Variants in OXR1 observed in about 807,000 individuals in gnomAD.
OXR1 encodes oxidation resistance protein 1.
Under a neutral mutation model 104.6 loss-of-function variants are expected in OXR1, and 41 were observed. The observed-to-expected ratio is 0.39, with a 90% CI of 0.31 to 0.51. The LOEUF (loss-of-function observed/expected upper bound fraction) is 0.51, where lower values mean the gene tolerates loss of function less well. Among genes scored for constraint, OXR1 ranks in the 20% least tolerant of loss-of-function variants. The pLI, the probability that OXR1 is intolerant of heterozygous loss-of-function variation, is 0.77. For missense variants in OXR1, 955 were observed against 1,031.9 expected (o/e 0.93, Z 1.02); for synonymous variants, 348 against 348.4 (o/e 1.00, Z 0.01).
At chr8:106,640,344 A>G (rs955049542) in intron 3 of OXR1, among the ~76,000 whole-genome samples, 1 of 151,200 alleles carries the variant, frequency 6.6e-6, no homozygotes, top group African/African-American at 2.4e-5. Context: ...GCATATTTGT[A>G]TATAGATGTA....
At chr8:106,666,640 G>A (rs920842668) in intron 3 of OXR1, among the ~76,000 whole-genome samples, 2 of 152,128 alleles carry the variant, frequency 1.3e-5, no homozygotes, top group East Asian at 3.9e-4. Flanking sequence ...ATGGACAATT[G>A]CTAAGAGGTA....
chr8:106,332,245 G>A (rs1814748179), intron 1 of OXR1, among the ~76,000 whole-genome samples: 2 of 152,096 alleles, frequency 1.3e-5, no homozygotes, highest in Non-Finnish European at 2.9e-5. Context: ...TACATAAGAA[G>A]CTGTGTTTTA....
chr8:106,387,030 A>G lies in OXR1; in HGVS notation c.23+27394A>G, dbSNP rs73305167. Among the ~76,000 whole-genome samples, 714 of 152,304 alleles carry G rather than the reference A, an allele frequency of 4.7e-3. 8 individuals carry two copies. Among genetic ancestry groups the G allele is most frequent in the African/African-American group, 0.017 (695 of 41,566 alleles). On this transcript the variant is annotated intron_variant, in intron 2 of 16. Coordinates refer to ENST00000517566, the MANE Select transcript of OXR1 (RefSeq NM_001198533.2). Reference sequence around the variant, plus strand: ...GGCAAATAAACACCTGAAATAAAAAACTGGAAACAGAAAGGACAAGAGTTA... The same window carrying G: ...GGCAAATAAACACCTGAAATAAAAAGCTGGAAACAGAAAGGACAAGAGTTA...
chr8:106,273,188 A>C (rs1228514239), intron 1 of OXR1, among the ~76,000 whole-genome samples: 1 of 152,070 alleles, frequency 6.6e-6, no homozygotes, highest in Non-Finnish European at 1.5e-5. Context: ...AATCCTGGGA[A>C]GCTTTAGAAA....
At chr8:106,568,505 A>G (rs1237680552) in intron 3 of OXR1, among the ~76,000 whole-genome samples, 4 of 152,114 alleles carry the variant, frequency 2.6e-5, no homozygotes. Flanking sequence ...AGCAGATAAA[A>G]CATAAAAGAC....
At chr8:106,601,809 A>G (rs1819990742) in intron 3 of OXR1, among the ~76,000 whole-genome samples, 1 of 152,220 alleles carries the variant, frequency 6.6e-6, no homozygotes, top group East Asian at 1.9e-4. Flanking sequence ...TAGAAATGTA[A>G]TTAAAGTGTT....
intron 3 of OXR1, among the ~76,000 whole-genome samples, chr8:106,646,622 T>C (rs1238575987): frequency 6.6e-6 from 1 of 151,666 alleles, no homozygotes; most frequent in African/African-American, 2.4e-5. Flanking sequence ...CATTATAGAA[T>C]TAAGAGAGGA....
At chr8:106,393,326 A>G (rs1443838926) in intron 2 of OXR1, among the ~76,000 whole-genome samples, 1 of 152,208 alleles carries the variant, frequency 6.6e-6, no homozygotes, top group Non-Finnish European at 1.5e-5. Flanking sequence ...GTTATTCATT[A>G]GTTTACTACA....
rs1812529002 is a variant in OXR1, at chr8:106,287,032, G to A, written c.-139+16665G>A. Among the ~76,000 whole-genome samples, 6 of 152,138 alleles carry A rather than the reference G, an allele frequency of 3.9e-5. No homozygotes were observed. The South Asian group carries it at 1.2e-3, about 32-fold the overall frequency. ...CAGCTTCATTCCATTTGGTATCGTA[G>A]GTATCAGTTTCTTACAGACATTTCC... is the stretch of plus-strand genomic sequence containing the variant. On this transcript the variant is annotated intron_variant, in intron 1 of 16. Transcript: ENST00000517566.
chr8:106,449,604 A>G (rs1820202628), intron 2 of OXR1, among the ~76,000 whole-genome samples: 1 of 152,242 alleles, frequency 6.6e-6, no homozygotes, highest in African/African-American at 2.4e-5. Flanking sequence ...CCACGCAGCT[A>G]GTAAATGATG....
In OXR1 at chr8:106,338,313, T is replaced by C. The variant is rs1368121346; in HGVS notation, c.-138-21163T>C. On this transcript the variant is annotated intron_variant, in intron 1 of 16. Coordinates refer to ENST00000517566, the MANE Select transcript of OXR1 (RefSeq NM_001198533.2). Reference sequence around the variant, plus strand: ...ATCTAGGGCTGGGCGTGGTGGCTTATACCTGTAATCCCAGCACTTTGGGAG... The same window carrying C: ...ATCTAGGGCTGGGCGTGGTGGCTTACACCTGTAATCCCAGCACTTTGGGAG... Among the ~76,000 whole-genome samples the C allele has an allele frequency of 2.2e-4, 34 of 152,136 alleles. 1 individual carries two copies. The highest frequency in any genetic ancestry group is 7.0e-4 in the African/African-American group (29 of 41,490).
chr8:106,541,207 T>C (rs1388267140), intron 3 of OXR1, among the ~76,000 whole-genome samples: 1 of 152,180 alleles, frequency 6.6e-6, no homozygotes, highest in Non-Finnish European at 1.5e-5. Flanking sequence ...CAAGTAACAG[T>C]TTATAAAAGT....
chr8:106,609,847 C>CAA (rs1820681998), intron 3 of OXR1, among the ~76,000 whole-genome samples: 1 of 2,032 alleles, frequency 4.9e-4, no homozygotes, highest in Middle Eastern at 0.5. Context: ...GTATATAACA[C>CAA]ACACACACAC....
At chr8:106,343,275 C>T (rs1373739336) in intron 1 of OXR1, among the ~76,000 whole-genome samples, 2 of 152,198 alleles carry the variant, frequency 1.3e-5, no homozygotes, top group Admixed American at 6.5e-5. Flanking sequence ...CTCTTCACAG[C>T]CTCTGGGATA....
chr8:106,724,501 A>T (rs929878857), intron 11 of OXR1, among the ~76,000 whole-genome samples: 1 of 152,200 alleles, frequency 6.6e-6, no homozygotes, highest in Non-Finnish European at 1.5e-5. Flanking sequence ...AGAATAGCTT[A>T]AACCTGTTGT....
At chr8:106,618,443 A>G (rs987094718) in intron 3 of OXR1, among the ~76,000 whole-genome samples, 7 of 152,190 alleles carry the variant, frequency 4.6e-5, no homozygotes, top group Non-Finnish European at 7.3e-5. Flanking sequence ...CATGTGTGTA[A>G]ATTATTTCTC....
At chr8:106,742,486 C>T (rs920844202) in intron 15 of OXR1, 169 bp downstream of exon 15, 4 of 508,990 alleles carry the variant, frequency 7.9e-6, no homozygotes, top group African/African-American at 5.9e-5. Flanking sequence ...GCCCAAATAG[C>T]CAAGAGAATG....
chr8:106,689,118 C>T (rs1431735333), intron 6 of OXR1, among the ~76,000 whole-genome samples: 2 of 152,058 alleles, frequency 1.3e-5, no homozygotes, highest in Non-Finnish European at 2.9e-5. Flanking sequence ...AAATTTATTA[C>T]CATACAGTTT....
intron 1 of OXR1, among the ~76,000 whole-genome samples, chr8:106,320,844 G>A (rs1276607103): frequency 4.6e-5 from 7 of 151,970 alleles, no homozygotes; most frequent in Non-Finnish European, 1.0e-4. Flanking sequence ...GCTAATTTTT[G>A]TATTTTTTGT....
Sources: allele counts gnomAD v4.1 joint callset (sites outside exome capture counted in the v4.1 genomes callset), GRCh38; gene constraint gnomAD v4.1.1; transcripts MANE v1.5; gene names NCBI Gene and HGNC (gene_info 2026-07-23, HGNC 2026-07-21).